ASPRV1: variants seen among roughly 807,000 people sequenced by gnomAD.
ASPRV1 encodes the protein retroviral-like aspartic protease 1.
A neutral mutation model predicts 11.0 loss-of-function variants in ASPRV1; 7 were observed. The ratio of observed to expected loss-of-function variants is 0.64; its 90% CI spans 0.36 to 1.20. The LOEUF (loss-of-function observed/expected upper bound fraction) is 1.20, where lower values mean the gene tolerates loss of function less well. Ranked by LOEUF, ASPRV1 falls within the 50% of genes most tolerant of loss-of-function variation. The pLI is 0.02. For synonymous variants in ASPRV1, 136 were observed against 138.4 expected (o/e 0.98, Z 0.12); for missense variants, 299 against 320.0 (o/e 0.93, Z 0.50).
At chr2:69,938,380 C>T in the ASPRV1 span, 1 of 1,324,348 alleles carries the variant, frequency 7.6e-7, no homozygotes. Flanking sequence ...TGCACGTAAA[C>T]TTCAGTGTCC....
chr2:69,960,514 G>A lies in ASPRV1; in HGVS notation c.*143C>T. 1.1e-6 allele frequency: 1 copy of A among 882,072 alleles called. No homozygotes were observed. The highest frequency in any genetic ancestry group is 1.7e-6 in the Non-Finnish European group (1 of 588,470). The allele number at this position is 882,072 out of a possible 1,614,324, so 54.6% of individuals were successfully genotyped here. Reference sequence around the variant, plus strand: ...CTACCAGGGGCAGATTAAGGCCCCTGCAGAGGGAGGCAAAGGGGAGAGAAG... The same window carrying A: ...CTACCAGGGGCAGATTAAGGCCCCTACAGAGGGAGGCAAAGGGGAGAGAAG... On this transcript the variant is annotated 3_prime_UTR_variant, in exon 1 of 1. Coordinates refer to ENST00000320256, the MANE Select transcript of ASPRV1 (RefSeq NM_152792.4).
the ASPRV1 span, among the ~76,000 whole-genome samples, chr2:70,052,180 G>A: frequency 6.6e-6 from 1 of 152,110 alleles, no homozygotes; most frequent in Non-Finnish European, 1.5e-5. Context: ...TAGAAGGGAA[G>A]AGAGATAGGG....
At chr2:69,938,856 C>G in the ASPRV1 span, 1 of 152,940 alleles carries the variant, frequency 6.5e-6, no homozygotes, top group African/African-American at 2.4e-5. Flanking sequence ...TCCCCCGACG[C>G]GCCGCGTGTG....
chr2:69,991,761 G>C, the ASPRV1 span, among the ~76,000 whole-genome samples: 1 of 152,130 alleles, frequency 6.6e-6, no homozygotes, highest in African/African-American at 2.4e-5. Flanking sequence ...GGCCAGGCTG[G>C]TCTTGAACTC....
the ASPRV1 span, chr2:70,046,759 G>A: frequency 2.6e-5 from 4 of 152,062 alleles, no homozygotes; most frequent in Non-Finnish European, 5.9e-5. Flanking sequence ...GGAAGTACTG[G>A]TCCAGGCAGG....
the ASPRV1 span, chr2:70,014,677 A>AC: frequency 2.0e-5 from 3 of 151,402 alleles, no homozygotes; most frequent in Non-Finnish European, 4.4e-5. Flanking sequence ...ACATGTGTCT[A>AC]TAGTCCCAGC....
chr2:69,978,504 G>A, the ASPRV1 span, among the ~76,000 whole-genome samples: 6 of 152,152 alleles, frequency 3.9e-5, no homozygotes, highest in East Asian at 1.9e-4. Flanking sequence ...GCAGTTATGC[G>A]GATTAAAGGA....
At position 69,960,499 on chromosome 2, in the gene ASPRV1, C is replaced by A. The variant is rs1678043819; in HGVS notation, c.*158G>T. 1.3e-6 allele frequency: 1 copy of A among 753,444 alleles called. No homozygotes were observed. The highest frequency in any genetic ancestry group is 2.1e-6 in the Non-Finnish European group (1 of 476,664). The allele number at this position is 753,444 out of a possible 1,614,324, so 46.7% of individuals were successfully genotyped here. A position where few individuals can be genotyped will look rare whatever the true frequency, so the allele number is the denominator to read the frequency against. On this transcript the variant is annotated 3_prime_UTR_variant, in exon 1 of 1. Transcript: ENST00000320256. ...CAGTGGAAGCCTCCCCTACCAGGGG[C>A]AGATTAAGGCCCCTGCAGAGGGAGG...
chr2:70,016,629 A>G, the ASPRV1 span, among the ~76,000 whole-genome samples: 44 of 152,234 alleles, frequency 2.9e-4, no homozygotes, highest in African/African-American at 1.0e-3. Context: ...GGCAGACTTG[A>G]GGTCAGGAGT....
the ASPRV1 span, among the ~76,000 whole-genome samples, chr2:70,041,630 C>CT: frequency 1.3e-5 from 2 of 152,226 alleles, no homozygotes; most frequent in Non-Finnish European, 2.9e-5. Context: ...AGCAGTTAAA[C>CT]TTGAGACTGA....
the ASPRV1 span, among the ~76,000 whole-genome samples, chr2:70,005,259 T>C: frequency 5.3e-5 from 8 of 152,050 alleles, no homozygotes; most frequent in Non-Finnish European, 1.0e-4. Flanking sequence ...GGGGTTTCCC[T>C]ATGTTTCCCA....
the ASPRV1 span, chr2:70,032,345 G>A: frequency 6.6e-6 from 1 of 152,188 alleles, no homozygotes; most frequent in Admixed American, 6.6e-5. Flanking sequence ...CTTGGCTTAG[G>A]ATAGTGATTG....
chr2:69,978,589 A>G, the ASPRV1 span, among the ~76,000 whole-genome samples: 1 of 152,354 alleles, frequency 6.6e-6, no homozygotes, highest in Non-Finnish European at 1.5e-5. Context: ...GAGCTACAAA[A>G]GCCCTCACAG....
chr2:70,073,881 C>T, the ASPRV1 span, among the ~76,000 whole-genome samples: 3 of 152,096 alleles, frequency 2.0e-5, no homozygotes, highest in Middle Eastern at 6.8e-3. Flanking sequence ...CACCTGTAAT[C>T]CCAGCACTTT....
chr2:70,079,064 A>G, the ASPRV1 span, among the ~76,000 whole-genome samples: 1 of 152,164 alleles, frequency 6.6e-6, no homozygotes, highest in Non-Finnish European at 1.5e-5. Context: ...ATGAATAGCA[A>G]CTCTGAAATG....
the ASPRV1 span, among the ~76,000 whole-genome samples, chr2:69,989,610 T>C: frequency 2.0e-5 from 3 of 152,168 alleles, no homozygotes; most frequent in African/African-American, 7.2e-5. Context: ...GGGCACTAAG[T>C]GCACAGCCGC....
the ASPRV1 span, chr2:70,050,268 A>C: frequency 1.3e-5 from 2 of 152,096 alleles, no homozygotes; most frequent in Admixed American, 1.3e-4. Context: ...CAACAGTGAG[A>C]CTTCGTCAAA....
At chr2:69,990,675 T>TG in the ASPRV1 span, among the ~76,000 whole-genome samples, 1 of 152,148 alleles carries the variant, frequency 6.6e-6, no homozygotes, top group African/African-American at 2.4e-5. Context: ...GGCTGGTCTC[T>TG]AAGTCCTGGA....
chr2:69,936,892 T>C, the ASPRV1 span: 3 of 473,566 alleles, frequency 6.3e-6, no homozygotes, highest in Admixed American at 7.1e-5. Flanking sequence ...AGATCAGGTG[T>C]TCAGGGGATT....
Sources: allele counts gnomAD v4.1 joint callset (sites outside exome capture counted in the v4.1 genomes callset), GRCh38; gene constraint gnomAD v4.1.1; transcripts MANE v1.5; gene names NCBI Gene and HGNC (gene_info 2026-07-23, HGNC 2026-07-21).